The following ATE1 variants were observed in gnomAD, a reference collection of about 807,000 sequenced individuals.
The protein encoded by ATE1 is arginyl-tRNA--protein transferase 1.
Under a neutral mutation model 70.5 loss-of-function variants are expected in ATE1, and 36 were observed. The observed-to-expected ratio is 0.51, with a 90% CI of 0.39 to 0.67. The LOEUF (loss-of-function observed/expected upper bound fraction) is 0.67, where lower values mean the gene tolerates loss of function less well. Ranked by LOEUF, ATE1 falls within the 30% of genes least tolerant of loss-of-function variation. The pLI is 0.00. For synonymous variants in ATE1, 232 were observed against 219.3 expected (o/e 1.06, Z -0.51); for missense variants, 593 against 629.5 (o/e 0.94, Z 0.62).
chr10:121,899,637 T>G (rs560959489), intron 7 of ATE1, among the ~76,000 whole-genome samples: 1 of 152,350 alleles, frequency 6.6e-6, no homozygotes, highest in East Asian at 1.9e-4. Context: ...CTTTAAATAA[T>G]TTTACATGTT....
At chr10:121,787,193 G>A (rs1489425552) in intron 11 of ATE1, among the ~76,000 whole-genome samples, 12 of 152,138 alleles carry the variant, frequency 7.9e-5, no homozygotes, top group African/African-American at 2.9e-4. Context: ...GATCAACTGT[G>A]CCTTTGCAGA....
At chr10:121,901,636 A>G (rs1476546329) in intron 6 of ATE1, among the ~76,000 whole-genome samples, 1 of 152,034 alleles carries the variant, frequency 6.6e-6, no homozygotes, top group Non-Finnish European at 1.5e-5. Context: ...TTTATATTTT[A>G]GTAGAGACGG....
intron 7 of ATE1, among the ~76,000 whole-genome samples, chr10:121,884,315 CT>C (rs1192778131): frequency 6.6e-6 from 1 of 151,852 alleles, no homozygotes; most frequent in Non-Finnish European, 1.5e-5. Flanking sequence ...CCGAAAGGAA[CT>C]TTGAGTTAAA....
chr10:121,850,040 C>G (rs190399592), intron 8 of ATE1, among the ~76,000 whole-genome samples: 1 of 151,944 alleles, frequency 6.6e-6, no homozygotes, highest in Non-Finnish European at 1.5e-5. Context: ...AGAATCAATA[C>G]AAAGATTTAT....
chr10:121,912,528 T>C (rs1951481334), intron 4 of ATE1, among the ~76,000 whole-genome samples: 1 of 151,502 alleles, frequency 6.6e-6, no homozygotes, highest in African/African-American at 2.4e-5. Flanking sequence ...GGCGGGTGCC[T>C]GTGGTCCCAG....
At chr10:121,862,208 C>A (rs1478332236) in intron 8 of ATE1, among the ~76,000 whole-genome samples, 1 of 152,304 alleles carries the variant, frequency 6.6e-6, no homozygotes, top group South Asian at 2.1e-4. Context: ...AACGACTCAA[C>A]CTTCCGACCA....
chr10:121,872,431 C>T (rs571475296), intron 7 of ATE1, among the ~76,000 whole-genome samples: 2 of 152,170 alleles, frequency 1.3e-5, no homozygotes, highest in East Asian at 1.9e-4. Context: ...TCACAAGACA[C>T]ACATTGACAC....
chr10:121,891,994 G>A (rs1262406579), intron 7 of ATE1, among the ~76,000 whole-genome samples: 1 of 152,148 alleles, frequency 6.6e-6, no homozygotes, highest in Non-Finnish European at 1.5e-5. Context: ...AGCAGAAAGA[G>A]AAGAAATGAA....
At position 121,924,619 on chromosome 10, in the gene ATE1, G is replaced by C. The variant is rs1952013637; in HGVS notation, c.107-290C>G. Among the ~76,000 whole-genome samples the C allele has an allele frequency of 2.7e-5, 4 of 150,350 alleles. No individual in the cohort carries two copies. The South Asian group carries it at 8.4e-4, about 32-fold the overall frequency. ...AGAGGCTGCAGCAGGAGAATCACAT[G>C]AACTCGGGAGGCGGAGGTTGCAGTG... is the stretch of plus-strand genomic sequence containing the variant. On this transcript the variant is annotated intron_variant, in intron 1 of 11. Transcript: ENST00000224652.
At chr10:121,767,599 T>C (rs1200843217) in intron 11 of ATE1, among the ~76,000 whole-genome samples, 2 of 152,088 alleles carry the variant, frequency 1.3e-5, no homozygotes, top group African/African-American at 2.4e-5. Context: ...TTAATATCCA[T>C]AATATTTAGA....
intron 4 of ATE1, among the ~76,000 whole-genome samples, chr10:121,913,414 T>C (rs1951522948): frequency 6.6e-6 from 1 of 152,226 alleles, no homozygotes; most frequent in Non-Finnish European, 1.5e-5. Context: ...AGGGCAATCT[T>C]GTCCAAGCTG....
intron 7 of ATE1, among the ~76,000 whole-genome samples, chr10:121,893,896 G>C (rs191546741): frequency 1.6e-4 from 25 of 152,302 alleles, no homozygotes; most frequent in Non-Finnish European, 1.5e-5. Flanking sequence ...CCAGCACTTT[G>C]GGAGGCCGAG....
intron 8 of ATE1, 27 bp from the exon 9 acceptor site, chr10:121,841,290 C>A (rs754541574): frequency 4.4e-6 from 6 of 1,354,406 alleles, no homozygotes; most frequent in Middle Eastern, 3.9e-4. Context: ...GCACAAACAG[C>A]CATTTTTTTA....
chr10:121,869,333 T>C (rs961049916), intron 8 of ATE1, among the ~76,000 whole-genome samples: 8 of 152,240 alleles, frequency 5.3e-5, no homozygotes, highest in Non-Finnish European at 1.2e-4. Context: ...ACCCTTTCTC[T>C]ACTTCCTTTT....
At position 121,872,755 on chromosome 10, in the gene ATE1, A is replaced by C. The variant is rs551854899; in HGVS notation, c.943-2717T>G. On this transcript the variant is annotated intron_variant, in intron 7 of 11. Transcript: ENST00000224652. ...TCAATTTTGCTGTGAACCTAAAACTACTAAAAAGTAAAGTCTATTGAAAAA... is the reference window on the plus strand; with the variant it reads ...TCAATTTTGCTGTGAACCTAAAACTCCTAAAAAGTAAAGTCTATTGAAAAA... Among the ~76,000 whole-genome samples, 268 of 152,044 alleles carry C rather than the reference A, an allele frequency of 1.8e-3. 2 individuals carry two copies. The highest frequency in any genetic ancestry group is 2.4e-3 in the Non-Finnish European group (161 of 67,928).
In ATE1 at chr10:121,743,723, A is replaced by G. The variant is rs1460115731; in HGVS notation, c.1514T>C (p.Val505Ala). 1.2e-6 allele frequency: 2 copies of G among 1,613,882 alleles called. No homozygotes were observed. Reference sequence around the variant, plus strand: ...CATCCGCTCGGAGCACTTCTGCCCCACCAGGCTGGCGTACTGCAGAACAGC... The same window carrying G: ...CATCCGCTCGGAGCACTTCTGCCCCGCCAGGCTGGCGTACTGCAGAACAGC... Reference protein sequence around the residue: ...EAAVLQYASLVGQKCSERMLL... With the variant: ...EAAVLQYASLAGQKCSERMLL... The change falls in exon 12 of 12, where the codon GTG becomes GCG. Residue 505 changes from valine to alanine, a missense_variant. This residue lies in a region of ATE1 where 90 missense variants were observed against 93.7 expected (regional missense o/e 0.96). Coordinates refer to ENST00000224652, the MANE Select transcript of ATE1 (RefSeq NM_001001976.3).
chr10:121,754,845 A>G (rs1944728198), intron 11 of ATE1, among the ~76,000 whole-genome samples: 1 of 152,242 alleles, frequency 6.6e-6, no homozygotes, highest in East Asian at 1.9e-4. Flanking sequence ...AAGTCACAGT[A>G]CAGAGATGAA....
At position 121,740,564 on chromosome 10, in the gene ATE1, G is replaced by A. The variant is rs1452593751; in HGVS notation, c.*3116C>T. The A allele has an allele frequency of 6.6e-6, 1 of 152,166 alleles. No individual in the cohort carries two copies. Among genetic ancestry groups the A allele is most frequent in the East Asian group, 1.9e-4 (1 of 5,202 alleles). The allele number at this position is 152,166 out of a possible 1,614,324, so 9.4% of individuals were successfully genotyped here. On this transcript the variant is annotated 3_prime_UTR_variant, in exon 12 of 12. Coordinates refer to ENST00000224652, the MANE Select transcript of ATE1 (RefSeq NM_001001976.3). Reference sequence around the variant, plus strand: ...CATTGGCTTTCTTTTAGAAAAGAGTGTGCACTTGAATAACTTCTAATTCAA... The same window carrying A: ...CATTGGCTTTCTTTTAGAAAAGAGTATGCACTTGAATAACTTCTAATTCAA...
At chr10:121,759,417 C>A (rs911890217) in intron 11 of ATE1, among the ~76,000 whole-genome samples, 1 of 152,148 alleles carries the variant, frequency 6.6e-6, no homozygotes, top group East Asian at 1.9e-4. Flanking sequence ...AAGAAGCCAT[C>A]TCCATAAAAG....
Sources: allele counts gnomAD v4.1 joint callset (sites outside exome capture counted in the v4.1 genomes callset), GRCh38; gene constraint gnomAD v4.1.1; regional missense constraint gnomAD v4.1.1; transcripts MANE v1.5; gene names NCBI Gene and HGNC (gene_info 2026-07-23, HGNC 2026-07-21).